KIF21A: variants seen among roughly 807,000 people sequenced by gnomAD.
KIF21A encodes the protein kinesin family member 21A.
A neutral mutation model predicts 202.9 loss-of-function variants in KIF21A; 114 were observed. The observed-to-expected ratio is 0.56, with a 90% CI of 0.48 to 0.66. The LOEUF (loss-of-function observed/expected upper bound fraction) is 0.66, where lower values mean the gene tolerates loss of function less well. Among genes scored for constraint, KIF21A ranks in the 30% least tolerant of loss-of-function variants. The pLI is 0.00. For synonymous variants in KIF21A, 667 were observed against 670.8 expected (o/e 0.99, Z 0.09); for missense variants, 1,677 against 1,994.9 (o/e 0.84, Z 3.04).
At position 39,294,280 on chromosome 12, in the gene KIF21A, A is replaced by T; in HGVS notation, c.*144T>A. Reference sequence around the variant, plus strand: ...TAGTACACAATTTTATTAGAATACCATTTATAGTCAGCAGTTGAATTCAGA... The same window carrying T: ...TAGTACACAATTTTATTAGAATACCTTTTATAGTCAGCAGTTGAATTCAGA... On this transcript the variant is annotated 3_prime_UTR_variant, in exon 38 of 38. Coordinates refer to ENST00000361418, the MANE Select transcript of KIF21A (RefSeq NM_001173464.2). 1 of 670,904 alleles carries T rather than the reference A, an allele frequency of 1.5e-6. No individual in the cohort carries two copies. The allele number at this position is 670,904 out of a possible 1,614,324, so 41.6% of individuals were successfully genotyped here.
At chr12:39,331,481 TAAAC>T (rs915322437) in intron 22 of KIF21A, among the ~76,000 whole-genome samples, 30 of 152,318 alleles carry the variant, frequency 2.0e-4, no homozygotes, top group Non-Finnish European at 4.1e-4. Flanking sequence ...TCTGCTCTAA[TAAAC>T]AAACATAATG....
intron 37 of KIF21A, among the ~76,000 whole-genome samples, chr12:39,295,858 T>A (rs1404803727): frequency 6.6e-6 from 1 of 151,238 alleles, no homozygotes; most frequent in Non-Finnish European, 1.5e-5. Context: ...CATGCCACTA[T>A]GCCTAGCTAA....
chr12:39,344,982 T>C (rs1161430094), intron 12 of KIF21A, among the ~76,000 whole-genome samples: 1 of 152,086 alleles, frequency 6.6e-6, no homozygotes, highest in Non-Finnish European at 1.5e-5. Flanking sequence ...TCCCAGAACA[T>C]CTCAAAGTTC....
chr12:39,322,371 G>C lies in KIF21A; in HGVS notation c.3671+297C>G, dbSNP rs1945370575. 4.1e-5 allele frequency: 10 copies of C among 246,490 alleles called. 1 individual carries two copies. In the South Asian group the frequency reaches 6.7e-4, roughly 16 times the overall value. The allele number at this position is 246,490 out of a possible 1,614,324, so 15.3% of individuals were successfully genotyped here. On this transcript the variant is annotated intron_variant, in intron 27 of 37. Transcript: ENST00000361418. ...GTTTTATAGGTATAACTTTAATTTA[G>C]GTATTTCTATATATGTATTTTCTGT...
intron 35 of KIF21A, among the ~76,000 whole-genome samples, chr12:39,303,917 T>G (rs1025827071): frequency 2.0e-5 from 3 of 152,144 alleles, no homozygotes; most frequent in African/African-American, 7.2e-5. Context: ...AAAAGTTTCT[T>G]TTTATCTTCA....
chr12:39,334,521 GA>G (rs1946796986), intron 17 of KIF21A, among the ~76,000 whole-genome samples: 1 of 151,926 alleles, frequency 6.6e-6, no homozygotes, highest in Admixed American at 6.6e-5. Context: ...CACAGTGACT[GA>G]TATAAAAGCA....
At chr12:39,326,188 T>C in intron 25 of KIF21A, 76 bp downstream of exon 25, 1 of 1,102,378 alleles carries the variant, frequency 9.1e-7, no homozygotes, top group Non-Finnish European at 1.4e-6. Flanking sequence ...TGTTTTATGG[T>C]AATTGTTTGA....
At chr12:39,380,428 T>C (rs188523052) in intron 1 of KIF21A, among the ~76,000 whole-genome samples, 2 of 152,250 alleles carry the variant, frequency 1.3e-5, no homozygotes, top group Non-Finnish European at 2.9e-5. Context: ...GAGTTTTCAA[T>C]AGATTTTGGT....
chr12:39,432,651 C>T (rs969501190), intron 1 of KIF21A, among the ~76,000 whole-genome samples: 5 of 151,508 alleles, frequency 3.3e-5, no homozygotes, highest in African/African-American at 7.3e-5. Flanking sequence ...GGCTCTATCA[C>T]GCAGGCTGGA....
At chr12:39,407,942 T>C (rs982236655) in intron 1 of KIF21A, among the ~76,000 whole-genome samples, 8 of 150,324 alleles carry the variant, frequency 5.3e-5, no homozygotes, top group African/African-American at 1.7e-4. Flanking sequence ...ATAAGTAGCA[T>C]AAAATCAAGG....
At chr12:39,360,832 A>T (rs1592331530) in intron 7 of KIF21A, among the ~76,000 whole-genome samples, 1 of 152,262 alleles carries the variant, frequency 6.6e-6, no homozygotes, top group African/African-American at 2.4e-5. Flanking sequence ...TAAATTATGC[A>T]CATAAACATA....
chr12:39,424,057 A>G (rs2140265392), intron 1 of KIF21A, among the ~76,000 whole-genome samples: 1 of 151,562 alleles, frequency 6.6e-6, no homozygotes, highest in African/African-American at 2.4e-5. Flanking sequence ...CTCATATCCA[A>G]CAACTTACAT....
At chr12:39,434,752 C>T (rs548000588) in intron 1 of KIF21A, among the ~76,000 whole-genome samples, 1 of 152,164 alleles carries the variant, frequency 6.6e-6, no homozygotes, top group Non-Finnish European at 1.5e-5. Context: ...AGAAGGAATA[C>T]AATTGAGGCT....
At chr12:39,297,729 A>AT (rs1299388770) in intron 37 of KIF21A, among the ~76,000 whole-genome samples, 5 of 151,572 alleles carry the variant, frequency 3.3e-5, no homozygotes, top group African/African-American at 1.2e-4. Context: ...TAAAACTTAA[A>AT]TTAAAAAAAA....
intron 1 of KIF21A, among the ~76,000 whole-genome samples, chr12:39,374,653 C>T (rs549480410): frequency 1.3e-5 from 2 of 152,062 alleles, no homozygotes; most frequent in African/African-American, 4.8e-5. Context: ...CTATAAACTA[C>T]ACTAGGTAAA....
intron 1 of KIF21A, among the ~76,000 whole-genome samples, chr12:39,406,598 T>C (rs1037300255): frequency 1.3e-5 from 2 of 152,254 alleles, no homozygotes; most frequent in South Asian, 4.1e-4. Context: ...TGCTTACTTA[T>C]GTATCCTTTT....
chr12:39,442,979 CG>C lies in KIF21A; in HGVS notation c.-10del, dbSNP rs1939876180. ...TCCGGGGCGCCCAACATGCTGGCGG[CG>C]GGCAGCGATCGAGCCGTTGGGCCTC... On this transcript the variant is annotated 5_prime_UTR_variant, in exon 1 of 38. Transcript: ENST00000361418. This position sits in a 1 kb window ranked among gnomAD's most constrained non-coding sequence, Gnocchi z 5.0. 3 of 1,519,384 alleles carry C rather than the reference CG, an allele frequency of 2.0e-6. No homozygotes were observed. The highest frequency in any genetic ancestry group is 2.6e-6 in the Non-Finnish European group (3 of 1,141,008). 94.1% of individuals were successfully genotyped at this position (1,519,384 alleles called of 1,614,324 possible). A position where few individuals can be genotyped will look rare whatever the true frequency, so the allele number is the denominator to read the frequency against.
At chr12:39,366,143 A>G (rs1949587805) in intron 6 of KIF21A, among the ~76,000 whole-genome samples, 1 of 152,208 alleles carries the variant, frequency 6.6e-6, no homozygotes, top group South Asian at 2.1e-4. Context: ...ATTTATACAC[A>G]TGAAGAAAAT....
At chr12:39,427,304 C>T (rs1169997982) in intron 1 of KIF21A, among the ~76,000 whole-genome samples, 1 of 152,166 alleles carries the variant, frequency 6.6e-6, no homozygotes, top group Admixed American at 6.5e-5. Flanking sequence ...TTCTGCTGTG[C>T]CTACAATGAA....
Sources: allele counts gnomAD v4.1 joint callset (sites outside exome capture counted in the v4.1 genomes callset), GRCh38; gene constraint gnomAD v4.1.1; non-coding constraint Gnocchi (gnomAD v3.1); transcripts MANE v1.5; gene names NCBI Gene and HGNC (gene_info 2026-07-23, HGNC 2026-07-21).